The following UPB1 variants were observed in gnomAD, a reference collection of about 807,000 sequenced individuals.
UPB1 encodes beta-ureidopropionase 1.
A neutral mutation model predicts 49.1 loss-of-function variants in UPB1; 40 were observed. The ratio of observed to expected loss-of-function variants is 0.81; its 90% CI spans 0.63 to 1.06. UPB1 has a LOEUF of 1.06. Among genes scored for constraint, UPB1 ranks in the 50% least tolerant of loss-of-function variants. UPB1 has a pLI of 0.00. For synonymous variants in UPB1, 207 were observed against 198.2 expected, an observed-to-expected ratio of 1.04 and a Z score of -0.38; for missense variants, 499 against 505.9, an observed-to-expected ratio of 0.99 and a Z score of 0.13.
At chr22:24,496,646 G>A (rs1474318861) in intron 1 of UPB1, among the ~76,000 whole-genome samples, 1 of 152,174 alleles carries the variant, frequency 6.6e-6, no homozygotes, top group Non-Finnish European at 1.5e-5. Context: ...CCTCAGGTGG[G>A]CGAGGCTGGG....
intron 2 of UPB1, 41 bp downstream of exon 2, chr22:24,500,319 T>C (rs373835240): frequency 6.2e-7 from 1 of 1,611,676 alleles, no homozygotes; most frequent in Non-Finnish European, 8.5e-7. Flanking sequence ...CAAACAGGGT[T>C]GTGGCCTGCC....
chr22:24,499,875 A>C (rs1474913834), intron 1 of UPB1, among the ~76,000 whole-genome samples: 1 of 151,916 alleles, frequency 6.6e-6, no homozygotes, highest in African/African-American at 2.4e-5. Flanking sequence ...AACCGTGCTG[A>C]CTCTGCTGAG....
intron 9 of UPB1, among the ~76,000 whole-genome samples, chr22:24,524,939 GTC>G (rs1164271586): frequency 6.6e-6 from 1 of 152,140 alleles, no homozygotes; most frequent in Non-Finnish European, 1.5e-5. Flanking sequence ...GGGTTCCTCA[GTC>G]TCGGATCCTT....
chr22:24,496,238 G>A (rs2043873005), intron 1 of UPB1, among the ~76,000 whole-genome samples: 1 of 152,120 alleles, frequency 6.6e-6, no homozygotes, highest in Non-Finnish European at 1.5e-5. Flanking sequence ...AAGCATGGTA[G>A]CATGCATCTG....
At chr22:24,518,783 C>T (rs2044339526) in intron 6 of UPB1, among the ~76,000 whole-genome samples, 1 of 152,218 alleles carries the variant, frequency 6.6e-6, no homozygotes. Flanking sequence ...CCAAAGATTT[C>T]TACCACCTGT....
chr22:24,511,988 C>T (rs1473521108), intron 4 of UPB1, among the ~76,000 whole-genome samples: 2 of 152,148 alleles, frequency 1.3e-5, no homozygotes, highest in Non-Finnish European at 1.5e-5. Flanking sequence ...TTATTTTCAC[C>T]TCTAACACAA....
intron 3 of UPB1, among the ~76,000 whole-genome samples, chr22:24,509,361 GAAAAAAAAAAAAAAAAAAA>G (rs202081655): frequency 0.5 from 46,936 of 93,472 alleles, 10,135 homozygotes; most frequent in Middle Eastern, 0.63. Flanking sequence ...CCTACTGTTT[GAAAAAAAAAAAAAAAAAAA>G]AAAAAAAAAA....
At chr22:24,505,290 G>A (rs567447222) in intron 3 of UPB1, among the ~76,000 whole-genome samples, 33 of 152,256 alleles carry the variant, frequency 2.2e-4, no homozygotes, top group African/African-American at 7.5e-4. Context: ...CAAGTTGGAC[G>A]CTTTGTTTGA....
intron 8 of UPB1, among the ~76,000 whole-genome samples, chr22:24,523,365 A>G (rs2044429461): frequency 6.6e-6 from 1 of 152,188 alleles, no homozygotes; most frequent in Non-Finnish European, 1.5e-5. Context: ...TAGAAGTGAC[A>G]CCTCTCAGAA....
At chr22:24,502,366 C>A in intron 3 of UPB1, 153 bp downstream of exon 3, 1 of 865,430 alleles carries the variant, frequency 1.2e-6, no homozygotes, top group Non-Finnish European at 2.0e-6. Flanking sequence ...GGAACCCCGG[C>A]CTCCCTGCTG....
intron 1 of UPB1, among the ~76,000 whole-genome samples, chr22:24,496,351 TC>T (rs1368989546): frequency 7.0e-6 from 1 of 143,330 alleles, no homozygotes; most frequent in Non-Finnish European, 1.5e-5. Flanking sequence ...AGCCTGGGAG[TC>T]AGAGTGAGGC....
chr22:24,509,799 T>C (rs1285100174), intron 3 of UPB1, among the ~76,000 whole-genome samples: 1 of 152,228 alleles, frequency 6.6e-6, no homozygotes, highest in Non-Finnish European at 1.5e-5. Flanking sequence ...AATACATTCA[T>C]GTTGTGCAAC....
chr22:24,501,461 G>A (rs1246160521), intron 2 of UPB1, among the ~76,000 whole-genome samples: 1 of 152,220 alleles, frequency 6.6e-6, no homozygotes, highest in Non-Finnish European at 1.5e-5. Flanking sequence ...GAGGAAGAGT[G>A]GCACACAAAG....
chr22:24,511,351 A>T (rs367729406), intron 4 of UPB1, among the ~76,000 whole-genome samples: 3 of 152,188 alleles, frequency 2.0e-5, no homozygotes, highest in South Asian at 4.1e-4. Context: ...AGAGACAGAA[A>T]GTAGATAAGT....
rs201206994 is a variant in UPB1 at position 24,511,612 on chromosome 22, A to ATTTTT, written c.459+770_459+771insTTTTT. On this transcript the variant is annotated intron_variant, in intron 4 of 9. Transcript: ENST00000326010. ...TGCTCTGTGAATTATATATATATATATATATATTTTTTTTTTTTTGAGATG... is the reference window on the plus strand; with the variant it reads ...TGCTCTGTGAATTATATATATATATATTTTTTATATATTTTTTTTTTTTTGAGATG... Among the ~76,000 whole-genome samples the ATTTTT allele has an allele frequency of 2.9e-3, 264 of 90,562 alleles. 1 individual carries two copies. The highest frequency in any genetic ancestry group is 4.4e-3 in the Non-Finnish European group (184 of 42,034). 59.4% of individuals were successfully genotyped at this position (90,562 alleles called of 152,430 possible).
chr22:24,513,073 A>C (rs149810853), intron 4 of UPB1, among the ~76,000 whole-genome samples: 2 of 152,270 alleles, frequency 1.3e-5, no homozygotes, highest in East Asian at 3.9e-4. Context: ...ATTCTTGTTT[A>C]ATTTTTTGAG....
intron 1 of UPB1, among the ~76,000 whole-genome samples, chr22:24,499,470 G>C (rs1252834269): frequency 5.9e-5 from 9 of 152,122 alleles, no homozygotes; most frequent in Admixed American, 5.9e-4. Flanking sequence ...TCTAGCCTTG[G>C]TTAATAAACT....
chr22:24,500,146 C>CAG lies in UPB1; in HGVS notation c.148_149dup (p.Asp51LysfsTer17), dbSNP rs765062693. On this transcript the variant is annotated frameshift_variant, in exon 2 of 10. Transcript: ENST00000326010. LOFTEE classifies it high-confidence loss of function. ...CCAGGGAAGCTTTCGAAGCTGCCTC[C>CAG]AGAGAAGACTTTGAACTGCAGGGAT... 5 of 1,614,062 alleles carry CAG rather than the reference C, an allele frequency of 3.1e-6. No homozygotes were observed. The highest frequency in any genetic ancestry group is 4.2e-6 in the Non-Finnish European group (5 of 1,180,036).
chr22:24,522,631 C>T (rs1164206350), intron 8 of UPB1, among the ~76,000 whole-genome samples: 1 of 151,784 alleles, frequency 6.6e-6, no homozygotes, highest in Non-Finnish European at 1.5e-5. Context: ...TCAGAGTGTC[C>T]TCTAGAAAGC....
Sources: allele counts gnomAD v4.1 joint callset (sites outside exome capture counted in the v4.1 genomes callset), GRCh38; gene constraint gnomAD v4.1.1; transcripts MANE v1.5; gene names NCBI Gene and HGNC (gene_info 2026-07-23, HGNC 2026-07-21).